The following PLCXD3 variants were observed in gnomAD, a reference collection of about 807,000 sequenced individuals.
PLCXD3 encodes phosphatidylinositol specific phospholipase C X domain containing 3, also known as PI-PLC X domain-containing protein 3.
PLCXD3 carries 19 observed loss-of-function variants against 25.5 expected under a neutral mutation model. That is an observed-to-expected ratio of 0.75 (90% CI 0.52 to 1.09). The LOEUF is 1.09. PLCXD3 is among the 50% of genes least tolerant of loss of function. PLCXD3 has a pLI of 0.00. For missense variants in PLCXD3, 411 were observed against 388.1 expected, an observed-to-expected ratio of 1.06 and a Z score of -0.50; for synonymous variants, 174 against 137.6, an observed-to-expected ratio of 1.26 and a Z score of -1.85.
intron 2 of PLCXD3, among the ~76,000 whole-genome samples, chr5:41,368,058 C>A (rs981283545): frequency 6.6e-6 from 1 of 152,008 alleles, no homozygotes; most frequent in African/African-American, 2.4e-5. Flanking sequence ...GGCAGTATGG[C>A]CATTTTCACA....
In PLCXD3 at chr5:41,381,874, G is replaced by A. The variant is rs1160281858; in HGVS notation, c.764C>T (p.Thr255Ile). 2 of 1,612,860 alleles carry A rather than the reference G, an allele frequency of 1.2e-6. No individual in the cohort carries two copies. The highest frequency in any genetic ancestry group is 2.7e-5 in the African/African-American group (2 of 74,812). ...GCCACTTGCCACCCCTTTGACCACA[G>A]TGCTAGCTTTGGGGGTCAGCACCAC... is the stretch of plus-strand genomic sequence containing the variant. ...SQVVLTPKAS[T>I]VVKGVASGLR... Residue 255 changes from threonine (T) to isoleucine (I), a missense_variant, in exon 2 of 3, where the codon ACT becomes ATT. Transcript: ENST00000377801.
chr5:41,435,434 T>G lies in PLCXD3; in HGVS notation c.104-52900A>C, dbSNP rs760464250. On this transcript the variant is annotated intron_variant, in intron 1 of 2. Transcript: ENST00000377801. The stretch of plus-strand genomic sequence containing the variant: ...ATTAGTGTCTGGCTGCATTGTGTGA[T>G]AGCTGAGGTTCACGGAGCACCACCC... 5.9e-5 allele frequency among the ~76,000 whole-genome samples: 9 copies of G among 152,346 alleles called. No individual in the cohort carries two copies. The South Asian group carries it at 1.9e-3, about 32-fold the overall frequency.
intron 1 of PLCXD3, among the ~76,000 whole-genome samples, chr5:41,402,546 C>T (rs1746217157): frequency 6.6e-6 from 1 of 151,520 alleles, no homozygotes; most frequent in African/African-American, 2.4e-5. Flanking sequence ...ACTGTTATTG[C>T]ACAAAGTACT....
chr5:41,328,982 G>A (rs1248828568), intron 2 of PLCXD3, among the ~76,000 whole-genome samples: 2 of 152,202 alleles, frequency 1.3e-5, no homozygotes, highest in East Asian at 3.9e-4. Flanking sequence ...TGGCCTACAG[G>A]GCCCTGAACA....
At chr5:41,334,703 A>C (rs1369767138) in intron 2 of PLCXD3, among the ~76,000 whole-genome samples, 1 of 152,162 alleles carries the variant, frequency 6.6e-6, no homozygotes, top group Non-Finnish European at 1.5e-5. Context: ...TGTTGTGGCA[A>C]GGAAAACCAT....
intron 1 of PLCXD3, among the ~76,000 whole-genome samples, chr5:41,426,725 C>T (rs566333131): frequency 6.6e-6 from 1 of 152,194 alleles, no homozygotes; most frequent in Admixed American, 6.5e-5. Flanking sequence ...GATTTACATA[C>T]ATATTTATTA....
chr5:41,464,916 T>C (rs1216025762), intron 1 of PLCXD3, among the ~76,000 whole-genome samples: 1 of 152,018 alleles, frequency 6.6e-6, no homozygotes, highest in East Asian at 1.9e-4. Flanking sequence ...CTATTCAATG[T>C]ATATTATGTT....
chr5:41,487,697 G>A (rs940550556), intron 1 of PLCXD3, among the ~76,000 whole-genome samples: 17 of 152,126 alleles, frequency 1.1e-4, no homozygotes, highest in Non-Finnish European at 1.8e-4. Flanking sequence ...GTGTCACACC[G>A]GAGACTAGAG....
At chr5:41,510,127 A>T (rs1739007734) in intron 1 of PLCXD3, among the ~76,000 whole-genome samples, 1 of 151,994 alleles carries the variant, frequency 6.6e-6, no homozygotes, top group Non-Finnish European at 1.5e-5. Context: ...GGGGGTCACG[A>T]GGCACCATCC....
chr5:41,353,432 A>C (rs1198874178), intron 2 of PLCXD3, among the ~76,000 whole-genome samples: 1 of 152,130 alleles, frequency 6.6e-6, no homozygotes, highest in Non-Finnish European at 1.5e-5. Context: ...AAAAAGCAAA[A>C]CACAAGAAAA....
At chr5:41,352,444 G>A (rs1363045137) in intron 2 of PLCXD3, among the ~76,000 whole-genome samples, 1 of 152,164 alleles carries the variant, frequency 6.6e-6, no homozygotes, top group Non-Finnish European at 1.5e-5. Flanking sequence ...CATGAGGGCA[G>A]GGACAGTATC....
At chr5:41,381,322 A>G (rs970059653) in intron 2 of PLCXD3, among the ~76,000 whole-genome samples, 12 of 152,154 alleles carry the variant, frequency 7.9e-5, no homozygotes, top group African/African-American at 2.2e-4. Context: ...CCACAAAAAT[A>G]CACGTTAAAG....
intron 1 of PLCXD3, among the ~76,000 whole-genome samples, chr5:41,395,403 C>A (rs1274592183): frequency 4.0e-5 from 6 of 151,496 alleles, no homozygotes; most frequent in African/African-American, 1.2e-4. Context: ...ATCTAATAAT[C>A]TTAAAGAACT....
In PLCXD3 at chr5:41,397,951, G is replaced by A. The variant is rs148912515; in HGVS notation, c.104-15417C>T. On this transcript the variant is annotated intron_variant, in intron 1 of 2. Coordinates refer to ENST00000377801, the MANE Select transcript of PLCXD3 (RefSeq NM_001005473.3). ...TGGGAGGATTTATCCAATGCCTATT[G>A]CATCTTGGAAGTAACTGACTTGTTT... Among the ~76,000 whole-genome samples the A allele has an allele frequency of 3.4e-3, 524 of 152,274 alleles. 3 individuals are homozygous for A. Among genetic ancestry groups the A allele is most frequent in the African/African-American group, 0.011 (459 of 41,564 alleles).
rs528076495 is a variant in PLCXD3 at position 41,314,545 on chromosome 5, C to A, written c.813-775G>T. On this transcript the variant is annotated intron_variant, in intron 2 of 2. Coordinates refer to ENST00000377801, the MANE Select transcript of PLCXD3 (RefSeq NM_001005473.3). ...AGGTAGGGAGGAGAGATGCAGATTG[C>A]ATTTTAAAATAGGGTGGCTTAATAG... Among the ~76,000 whole-genome samples the A allele has an allele frequency of 2.0e-5, 3 of 152,192 alleles. No individual in the cohort carries two copies. The South Asian group carries it at 6.2e-4, about 32-fold the overall frequency.
chr5:41,477,818 A>G (rs1748314474), intron 1 of PLCXD3, among the ~76,000 whole-genome samples: 1 of 152,222 alleles, frequency 6.6e-6, no homozygotes, highest in Non-Finnish European at 1.5e-5. Context: ...TAAAGACTTC[A>G]GTGAAAAGAG....
intron 2 of PLCXD3, among the ~76,000 whole-genome samples, chr5:41,353,127 C>G (rs1281450884): frequency 6.8e-6 from 1 of 147,982 alleles, no homozygotes; most frequent in Admixed American, 6.8e-5. Context: ...GAGTCTCGCT[C>G]TGTTGCCCAG....
intron 1 of PLCXD3, among the ~76,000 whole-genome samples, chr5:41,468,834 T>C (rs1417198581): frequency 6.6e-6 from 1 of 152,194 alleles, no homozygotes; most frequent in Non-Finnish European, 1.5e-5. Flanking sequence ...TAGAGACAAT[T>C]TCACTTCCTC....
chr5:41,377,039 C>A (rs980436930), intron 2 of PLCXD3, among the ~76,000 whole-genome samples: 1 of 152,060 alleles, frequency 6.6e-6, no homozygotes, highest in African/African-American at 2.4e-5. Context: ...TGAGATCAGT[C>A]ACTTGAACTA....
Sources: allele counts gnomAD v4.1 joint callset (sites outside exome capture counted in the v4.1 genomes callset), GRCh38; gene constraint gnomAD v4.1.1; transcripts MANE v1.5; gene names NCBI Gene and HGNC (gene_info 2026-07-23, HGNC 2026-07-21).